Variants in PPIE observed in about 807,000 individuals in gnomAD.
PPIE encodes the protein peptidyl-prolyl cis-trans isomerase E.
Under a neutral mutation model 38.4 loss-of-function variants are expected in PPIE, and 20 were observed. The ratio of observed to expected loss-of-function variants is 0.52; its 90% CI spans 0.37 to 0.76. PPIE has a LOEUF of 0.76. Among genes scored for constraint, PPIE ranks in the 30% least tolerant of loss-of-function variants. The pLI is 0.00. For synonymous variants in PPIE, 142 were observed against 135.7 expected (o/e 1.05, Z -0.32); for missense variants, 322 against 385.8 (o/e 0.83, Z 1.39).
At chr1:39,744,615 T>C (rs758636504) in intron 6 of PPIE, among the ~76,000 whole-genome samples, 7 of 152,240 alleles carry the variant, frequency 4.6e-5, no homozygotes, top group Non-Finnish European at 8.8e-5. Flanking sequence ...GAGCTTCAGA[T>C]ATTTCTGCCT....
In PPIE at chr1:39,743,831, A is replaced by C. The variant is rs1268762238; in HGVS notation, c.291A>C (p.Ser97=). The C allele has an allele frequency of 6.2e-7, 1 of 1,612,602 alleles. No individual in the cohort carries two copies. Among genetic ancestry groups the C allele is most frequent in the Non-Finnish European group, 8.5e-7 (1 of 1,178,878 alleles). Residue 97 remains serine, a synonymous_variant, in exon 6 of 10, where the codon TCA becomes TCC. Coordinates refer to ENST00000324379, the MANE Select transcript of PPIE (RefSeq NM_006112.4). ...TTGATTCTTTCCTTTCAGTTTGGTC[A>C]GATGATGACTGGTTGAAGAAGTTTT... ...IKEGSSRPVW[S]DDDWLKKFSG... is the part of the protein sequence containing the mutation.
At chr1:39,740,125 T>C in intron 1 of PPIE, 40 bp from the exon 2 acceptor site, 1 of 1,521,586 alleles carries the variant, frequency 6.6e-7, no homozygotes, top group Non-Finnish European at 9.1e-7. Context: ...TGCAAGAGTA[T>C]GGAGATCAGT....
At chr1:39,745,628 A>C in intron 7 of PPIE, 130 bp downstream of exon 7, 8 of 1,425,034 alleles carry the variant, frequency 5.6e-6, no homozygotes, top group Non-Finnish European at 7.6e-6. Context: ...GAGGCATCTC[A>C]GATCCTGGGA....
At chr1:39,758,117 T>TA (rs1354509324), downstream of PPIE, 10 of 152,228 alleles carry the variant, frequency 6.6e-5, no homozygotes, top group Non-Finnish European at 1.2e-4. Flanking sequence ...ACAGGTGGAG[T>TA]AAAAAATTAA....
At chr1:39,743,118 A>T in intron 4 of PPIE, 98 bp from the exon 5 acceptor site, 2 of 1,062,608 alleles carry the variant, frequency 1.9e-6, no homozygotes, top group Non-Finnish European at 2.9e-6. Flanking sequence ...GGATTAAGGG[A>T]GGACAAATCA....
chr1:39,745,262 C>T, intron 6 of PPIE, 113 bp from the exon 7 acceptor site: 1 of 1,434,476 alleles, frequency 7.0e-7, no homozygotes, highest in South Asian at 1.2e-5. Context: ...CCCGTCAGCA[C>T]TTGCTCCAGC....
rs747620205 is a variant in PPIE at position 39,752,955 on chromosome 1, A to C, written c.740A>C (p.Gln247Pro). The stretch of plus-strand genomic sequence containing the variant: ...TCTGGCCCAAACACCAATGGCTCTC[A>C]GTTCTTCCTGACATGTGACAAGACA... ...ANSGPNTNGS[Q>P]FFLTCDKTDW... The change falls in exon 9 of 10, where the codon CAG becomes CCG. Residue 247 changes from glutamine to proline, a missense_variant. Transcript: ENST00000324379. 1 of 1,614,164 alleles carries C rather than the reference A, an allele frequency of 6.2e-7. No homozygotes were observed. The highest frequency in any genetic ancestry group is 8.5e-7 in the Non-Finnish European group (1 of 1,180,006).
Position 39,746,301 on chromosome 1 carries a change from G to C in PPIE, c.508+803G>C, listed in dbSNP as rs528412807. 3.3e-5 allele frequency: 5 copies of C among 152,282 alleles called. No homozygotes were observed. The South Asian group carries it at 1.0e-3, about 32-fold the overall frequency. The allele number at this position is 152,282 out of a possible 1,614,324, so 9.4% of individuals were successfully genotyped here. ...ACAGCATTTTGTTTTGCCTGGAATT[G>C]ATAATTGCCTTGTTTTTGCATAGTT... On this transcript the variant is annotated intron_variant, in intron 7 of 9. Transcript: ENST00000324379.
rs1647836143 is a variant in PPIE at position 39,752,474 on chromosome 1, C to T, written c.695-436C>T. Among the ~76,000 whole-genome samples, 3 of 152,220 alleles carry T rather than the reference C, an allele frequency of 2.0e-5. No individual in the cohort carries two copies. In the South Asian group the frequency reaches 6.2e-4, roughly 31 times the overall value. ...ACACACACACATACATACATGTACACATACACACACAGACACACACATATA... is the reference window on the plus strand; with the variant it reads ...ACACACACACATACATACATGTACATATACACACACAGACACACACATATA... On this transcript the variant is annotated intron_variant, in intron 8 of 9. Coordinates refer to ENST00000324379, the MANE Select transcript of PPIE (RefSeq NM_006112.4).
intron 9 of PPIE, chr1:39,762,976 A>T: frequency 7.6e-7 from 1 of 1,308,380 alleles, no homozygotes; most frequent in East Asian, 2.3e-5. Flanking sequence ...TGTGCAGACA[A>T]AGCCCCCTGA....
At chr1:39,762,697 A>AC in intron 9 of PPIE, 1 of 1,476,146 alleles carries the variant, frequency 6.8e-7, no homozygotes, top group African/African-American at 1.4e-5. Flanking sequence ...CACACATATC[A>AC]CGGGCGGTCA....
intron 3 of PPIE, 52 bp from the exon 4 acceptor site, chr1:39,741,827 TGTGTTTAGACACCATA>T: frequency 1.9e-6 from 3 of 1,572,508 alleles, no homozygotes; most frequent in Non-Finnish European, 2.6e-6. Context: ...CTACTGAGCA[TGTGTTTAGACACCATA>T]AGAAGCATTT....
Position 39,756,265 on chromosome 1 carries a change from G to T in PPIE, c.*2910G>T. ...GAGCAAAGCGGCTTTCCCTGGGACTGTGTGGCTCCTGTCCCAACTGGCCTC... is the reference window on the plus strand; with the variant it reads ...GAGCAAAGCGGCTTTCCCTGGGACTTTGTGGCTCCTGTCCCAACTGGCCTC... On this transcript the variant is annotated 3_prime_UTR_variant, in exon 10 of 10. Coordinates refer to ENST00000324379, the MANE Select transcript of PPIE (RefSeq NM_006112.4). 1 of 985,476 alleles carries T rather than the reference G, an allele frequency of 1.0e-6. No homozygotes were observed. Among genetic ancestry groups the T allele is most frequent in the Non-Finnish European group, 1.2e-6 (1 of 829,934 alleles). 61.0% of individuals were successfully genotyped at this position (985,476 alleles called of 1,614,324 possible).
chr1:39,747,047 A>G (rs1446044954), intron 7 of PPIE: 3 of 152,200 alleles, frequency 2.0e-5, no homozygotes, highest in Non-Finnish European at 4.4e-5. Context: ...TGTAAGTGGA[A>G]TCATACAATA....
chr1:39,739,241 G>A, intron 1 of PPIE: 1 of 343,964 alleles, frequency 2.9e-6, no homozygotes, highest in Non-Finnish European at 5.2e-6. Flanking sequence ...CACACCTTTG[G>A]GCCTCTGCTT....
chr1:39,760,377 C>G, downstream of PPIE: 13 of 1,610,344 alleles, frequency 8.1e-6, no homozygotes, highest in Non-Finnish European at 1.1e-5. Context: ...GGGGCCCGAT[C>G]CAGATGAGAA....
chr1:39,759,570 C>T (rs890368370), downstream of PPIE: 1 of 152,264 alleles, frequency 6.6e-6, no homozygotes, highest in Non-Finnish European at 1.5e-5. Flanking sequence ...GGCATCTGTG[C>T]TGTGCATTGT....
chr1:39,763,282 G>A (rs1217523095), intron 9 of PPIE: 7 of 1,366,074 alleles, frequency 5.1e-6, no homozygotes, highest in East Asian at 4.6e-5. Context: ...CTCCAGCCCT[G>A]CAGGGCCGTC....
intron 8 of PPIE, among the ~76,000 whole-genome samples, chr1:39,750,791 G>A (rs547664058): frequency 2.4e-4 from 36 of 152,200 alleles, no homozygotes; most frequent in African/African-American, 8.2e-4. Flanking sequence ...CCATTCTTTG[G>A]TTCTCCAGAA....
Sources: allele counts gnomAD v4.1 joint callset (sites outside exome capture counted in the v4.1 genomes callset), GRCh38; gene constraint gnomAD v4.1.1; transcripts MANE v1.5; gene names NCBI Gene and HGNC (gene_info 2026-07-23, HGNC 2026-07-21).